ATG2B: variants seen among roughly 807,000 people sequenced by gnomAD.
The protein encoded by ATG2B is autophagy related 2B.
A neutral mutation model predicts 241.3 loss-of-function variants in ATG2B; 121 were observed. That is an observed-to-expected ratio of 0.50 (90% CI 0.43 to 0.58). The LOEUF (loss-of-function observed/expected upper bound fraction) is 0.58. Ranked by LOEUF, ATG2B falls within the 20% of genes least tolerant of loss-of-function variation. ATG2B has a pLI of 0.00. For synonymous variants in ATG2B, 858 were observed against 876.6 expected, an observed-to-expected ratio of 0.98 and a Z score of 0.37; for missense variants, 2,306 against 2,491.6, an observed-to-expected ratio of 0.93 and a Z score of 1.59.
chr14:96,337,135 T>C (rs1462492883), intron 6 of ATG2B, among the ~76,000 whole-genome samples: 3 of 152,214 alleles, frequency 2.0e-5, no homozygotes, highest in East Asian at 1.9e-4. Flanking sequence ...AAGGCAAAGA[T>C]TGTATCTGAT....
At position 96,280,557 on chromosome 14, in the gene ATG2B, T is replaced by C. The variant is rs1321904804; in HGVS notation, c.*5198A>G. 6.6e-6 allele frequency: 1 copy of C among 152,158 alleles called. No homozygotes were observed. Among genetic ancestry groups the C allele is most frequent in the Non-Finnish European group, 1.5e-5 (1 of 68,030 alleles). The allele number at this position is 152,158 out of a possible 1,614,324, so 9.4% of individuals were successfully genotyped here. ...AGTGGATGTTATATAGTCACATCTG[T>C]CACAACAAAATCTTTTAAAGTAAAT... On this transcript the variant is annotated 3_prime_UTR_variant, in exon 42 of 42. Coordinates refer to ENST00000359933, the MANE Select transcript of ATG2B (RefSeq NM_018036.7).
At position 96,289,236 on chromosome 14, in the gene ATG2B, C is replaced by G. The variant is rs980985053; in HGVS notation, c.6006+420G>C. 2.0e-5 allele frequency among the ~76,000 whole-genome samples: 3 copies of G among 152,002 alleles called. No individual in the cohort carries two copies. Among genetic ancestry groups the G allele is most frequent in the African/African-American group, 7.3e-5 (3 of 41,360 alleles). On this transcript the variant is annotated intron_variant, in intron 41 of 41. Transcript: ENST00000359933. The surrounding 1 kb of genome is among the most constrained non-coding windows in gnomAD (Gnocchi z 4.3). ...TAATAAAACTATATAAAAACATGTA[C>G]AAAAAAATATGTTCCACGTTCAGCA...
intron 36 of ATG2B, chr14:96,292,901 C>A (rs1886527677): frequency 6.6e-6 from 1 of 152,180 alleles, no homozygotes; most frequent in Admixed American, 6.5e-5. Flanking sequence ...ATATGCCACA[C>A]ATATCCTTTC....
chr14:96,305,414 G>A (rs1886911343), intron 31 of ATG2B, among the ~76,000 whole-genome samples, 175 bp downstream of exon 31: 1 of 152,112 alleles, frequency 6.6e-6, no homozygotes, highest in African/African-American at 2.4e-5. Context: ...TTCACAATTG[G>A]AAAACTGTGA....
intron 41 of ATG2B, among the ~76,000 whole-genome samples, chr14:96,287,267 A>C (rs1338831907): frequency 6.6e-6 from 1 of 151,508 alleles, no homozygotes; most frequent in Non-Finnish European, 1.5e-5. Context: ...AAAAAAAAAA[A>C]AAAAAACGTG....
Position 96,317,832 on chromosome 14 carries a change from C to T in ATG2B, c.2903G>A (p.Trp968Ter). 3.7e-6 allele frequency: 6 copies of T among 1,609,936 alleles called. No individual in the cohort carries two copies. The highest frequency in any genetic ancestry group is 5.1e-6 in the Non-Finnish European group (6 of 1,177,696). The change falls in exon 19 of 42, where the codon TGG (tryptophan) becomes TAG (stop). Residue 968 changes from tryptophan to a stop codon, truncating the protein, a stop_gained. Transcript: ENST00000359933. LOFTEE classifies it high-confidence loss of function. ...YNRIFNDLLL[W>*]EPTAPSPVET... Reference sequence around the variant, plus strand: ...CACTGGTGAAGGAGCTGTTGGTTCCCACAGTAGCAAGTCATTAAAGATCCT... The same window carrying T: ...CACTGGTGAAGGAGCTGTTGGTTCCTACAGTAGCAAGTCATTAAAGATCCT...
chr14:96,316,900 T>C (rs569350173), intron 20 of ATG2B, among the ~76,000 whole-genome samples: 8 of 152,330 alleles, frequency 5.3e-5, no homozygotes, highest in South Asian at 2.1e-4. Flanking sequence ...CTCTGTACTT[T>C]GTTGTCACCC....
intron 18 of ATG2B, among the ~76,000 whole-genome samples, chr14:96,321,143 C>T (rs1194840193): frequency 6.6e-6 from 1 of 152,028 alleles, no homozygotes; most frequent in Non-Finnish European, 1.5e-5. Flanking sequence ...TTTTCTGATT[C>T]TAAGAGCAAA....
chr14:96,344,118 G>A (rs1256478838), intron 4 of ATG2B, among the ~76,000 whole-genome samples: 1 of 152,194 alleles, frequency 6.6e-6, no homozygotes, highest in African/African-American at 2.4e-5. Context: ...CTATGTATAA[G>A]AGCTTCAAGT....
At chr14:96,361,742 T>C (rs1280920018) in intron 1 of ATG2B, among the ~76,000 whole-genome samples, 2 of 152,134 alleles carry the variant, frequency 1.3e-5, no homozygotes, top group Non-Finnish European at 2.9e-5. Context: ...TCTCACCTCC[T>C]GGTGAGCGAC....
chr14:96,315,056 T>C, intron 23 of ATG2B, 98 bp downstream of exon 23: 2 of 836,954 alleles, frequency 2.4e-6, no homozygotes, highest in Non-Finnish European at 3.9e-6. Context: ...GATAATTCAC[T>C]GAGCTGAACA....
Position 96,325,967 on chromosome 14 carries a change from T to C in ATG2B, c.2164-45A>G, listed in dbSNP as rs199853502. 5.7e-6 allele frequency: 9 copies of C among 1,570,496 alleles called. No homozygotes were observed. In the East Asian group the frequency reaches 1.8e-4, roughly 32 times the overall value. ...AAATATGCCAAAATATTAAAGTAAA[T>C]GAACATAAATTACACAGTATTCAAC... is the stretch of plus-strand genomic sequence containing the variant. On this transcript the variant is annotated intron_variant, in intron 14 of 41. Coordinates refer to ENST00000359933, the MANE Select transcript of ATG2B (RefSeq NM_018036.7).
rs371680615 is a variant in ATG2B at position 96,325,710 on chromosome 14, T to C, written c.2376A>G (p.Glu792=). The C allele has an allele frequency of 1.3e-5, 21 of 1,613,746 alleles. No homozygotes were observed. Among genetic ancestry groups the C allele is most frequent in the Non-Finnish European group, 1.8e-5 (21 of 1,179,908 alleles). The change falls in exon 15 of 42, where the codon GAA becomes GAG. Residue 792 remains glutamate (E), a synonymous_variant. Transcript: ENST00000359933. The part of the protein sequence containing the change: ...LAFTDLEFKT[E]FIGGSTPEQI... The stretch of plus-strand genomic sequence containing the variant: ...GTTCTGGGGTTGATCCTCCTATAAA[T>C]TCAGTCTTAAATTCTAGATCTGTGA...
chr14:96,312,013 G>T, intron 26 of ATG2B, 76 bp downstream of exon 26: 1 of 1,113,474 alleles, frequency 9.0e-7, no homozygotes, highest in Non-Finnish European at 1.4e-6. Flanking sequence ...TTATCCCAGA[G>T]TTAAAATGCT....
chr14:96,334,508 G>A lies in ATG2B; in HGVS notation c.925-7C>T, dbSNP rs780426046. On this transcript the variant is annotated splice_region_variant and splice_polypyrimidine_tract_variant and intron_variant, in intron 6 of 41. Coordinates refer to ENST00000359933, the MANE Select transcript of ATG2B (RefSeq NM_018036.7). ...TCTGTCCATCAACATCCAACTTAAG[G>A]GAAAAAAAAAAACTATTCATGAGGA... 177 of 1,539,664 alleles carry A rather than the reference G, an allele frequency of 1.1e-4. No individual in the cohort carries two copies. The South Asian group carries it at 2.0e-3, about 17-fold the overall frequency.
Position 96,306,809 on chromosome 14 carries a change from A to C in ATG2B, c.4411T>G (p.Ser1471Ala), listed in dbSNP as rs774449129. ...TCACTGATGAAATGGTGAGAGAATGAGGCATAGGTGGGGCCGGACTCCTGG... is the reference window on the plus strand; with the variant it reads ...TCACTGATGAAATGGTGAGAGAATGCGGCATAGGTGGGGCCGGACTCCTGG... ...VSQESGPTYASFSHHFISDAM... is the reference protein window; with the variant it reads ...VSQESGPTYAAFSHHFISDAM... Residue 1471 changes from serine (S) to alanine (A), a missense_variant, in exon 30 of 42, where the codon TCA becomes GCA. Ser to Ala is a moderately conservative substitution (Grantham distance 99, BLOSUM62 1). Transcript: ENST00000359933. 23 of 1,614,172 alleles carry C rather than the reference A, an allele frequency of 1.4e-5. No individual in the cohort carries two copies. In the South Asian group the frequency reaches 2.5e-4, roughly 18 times the overall value.
rs1403841147 is a variant in ATG2B, at chr14:96,362,816, C to A, written c.161G>T (p.Trp54Leu). ...GSLAQVPLDK[W>L]CLNEILESAD... Reference sequence around the variant, plus strand: ...CGGCTCGCCGCCGGCAGCTCTTACCCATTTGTCCAAGGGGACCTGGGCGAG... The same window carrying A: ...CGGCTCGCCGCCGGCAGCTCTTACCAATTTGTCCAAGGGGACCTGGGCGAG... The change falls in exon 1 of 42, where the codon TGG becomes TTG. Residue 54 changes from tryptophan (W) to leucine (L), a missense_variant and splice_region_variant. By Grantham distance (61) the Trp-to-Leu change is moderately conservative. Around this residue, in one of 2 missense-constraint regions of ATG2B, gnomAD observed 1,927 missense variants for 2,011.2 expected, o/e 0.96. Coordinates refer to ENST00000359933, the MANE Select transcript of ATG2B (RefSeq NM_018036.7). The A allele has an allele frequency of 6.2e-7, 1 of 1,601,388 alleles. No individual in the cohort carries two copies. Among genetic ancestry groups the A allele is most frequent in the Non-Finnish European group, 8.5e-7 (1 of 1,171,786 alleles).
rs762526836 is a variant in ATG2B, at chr14:96,295,032, A to T, written c.5354T>A (p.Val1785Glu). 4.3e-6 allele frequency: 7 copies of T among 1,614,072 alleles called. No homozygotes were observed. Among genetic ancestry groups the T allele is most frequent in the Admixed American group, 3.3e-5 (2 of 60,004 alleles). ...GTTCTTCTCTTCCATGCCATTAACC[A>T]CTTCCACTGAATTGGCACTATCATT... ...SQNDSANSVEVVNGMEEKNFS... is the reference protein window; with the variant it reads ...SQNDSANSVEEVNGMEEKNFS... Residue 1785 changes from valine (V) to glutamate (E), a missense_variant, in exon 36 of 42, where the codon GTG (valine) becomes GAG (glutamate). Coordinates refer to ENST00000359933, the MANE Select transcript of ATG2B (RefSeq NM_018036.7).
chr14:96,301,105 T>C lies in ATG2B; in HGVS notation c.5139+902A>G, dbSNP rs150426418. Among the ~76,000 whole-genome samples, 649 of 152,376 alleles carry C rather than the reference T, an allele frequency of 4.3e-3. 26 individuals are homozygous for C. The South Asian group carries it at 0.067, about 16-fold the overall frequency. On this transcript the variant is annotated intron_variant, in intron 34 of 41. Coordinates refer to ENST00000359933, the MANE Select transcript of ATG2B (RefSeq NM_018036.7). ...ATTTATGTTCTGCAATTATCATATG[T>C]TATGTTATTATTAAATAACAACAGT...
Sources: gnomAD v4.1 joint callset for allele counts (sites outside exome capture counted in the v4.1 genomes callset) on GRCh38, gnomAD v4.1.1 for gene constraint, gnomAD v4.1.1 regional missense constraint, Gnocchi (gnomAD v3.1) non-coding constraint, MANE v1.5 for transcripts, NCBI Gene and HGNC (gene_info 2026-07-23, HGNC 2026-07-21) for gene names.